The following AR variants were observed in gnomAD, a reference collection of about 807,000 sequenced individuals.
AR encodes the protein dihydrotestosterone receptor.
In AR, 8 loss-of-function variants were observed where a neutral mutation model predicts 53.9. The observed-to-expected ratio is 0.15, with a 90% CI of 0.09 to 0.27. The LOEUF (loss-of-function observed/expected upper bound fraction) is 0.27, where lower values mean the gene tolerates loss of function less well. AR is among the 10% of genes least tolerant of loss of function. The pLI is 1.00. For missense variants in AR, 639 were observed against 742.5 expected (o/e 0.86, Z 1.62); for synonymous variants, 359 against 316.4 (o/e 1.13, Z -1.43).
chrX:67,598,283 GTTTT>G, intron 1 of AR, among the ~76,000 whole-genome samples: 1 of 94,908 alleles, frequency 1.1e-5, no homozygotes, highest in African/African-American at 3.8e-5. Context: ...TTGTAGCAAT[GTTTT>G]TTTTTTTTTT....
intron 1 of AR, among the ~76,000 whole-genome samples, chrX:67,630,144 T>C (rs1398442518): frequency 1.8e-5 from 2 of 111,190 alleles, no homozygotes; most frequent in African/African-American, 6.5e-5. Context: ...TCTGTAGATG[T>C]CTATTAGGTC....
At chrX:67,559,935 C>T (rs1043636728) in intron 1 of AR, among the ~76,000 whole-genome samples, 2 of 111,897 alleles carry the variant, frequency 1.8e-5, no homozygotes, top group African/African-American at 6.5e-5. Context: ...TGCAATTGTT[C>T]ATCTGAAAAA....
At chrX:67,675,316 G>A (rs1217721010) in intron 2 of AR, among the ~76,000 whole-genome samples, 2 of 110,308 alleles carry the variant, frequency 1.8e-5, no homozygotes, top group Admixed American at 1.9e-4. Context: ...GTCTTACTAG[G>A]TCGCATGTTC....
In AR at chrX:67,724,063, C is replaced by A. The variant is rs1419488342; in HGVS notation, c.*222C>A. 2.3e-6 allele frequency: 1 copy of A among 439,512 alleles called. No homozygotes were observed. The highest frequency in any genetic ancestry group is 3.8e-6 in the Non-Finnish European group (1 of 261,521). 36.2% of individuals were successfully genotyped at this position (439,512 alleles called of 1,213,427 possible). On this transcript the variant is annotated 3_prime_UTR_variant, in exon 8 of 8. Transcript: ENST00000374690. ...CTCCCTATCTAACCCTCCCATGGCA[C>A]CTTCAGACTTTGCTTCCCATTGTGG...
At chrX:67,624,020 G>A (rs752007883) in intron 1 of AR, among the ~76,000 whole-genome samples, 12 of 110,885 alleles carry the variant, frequency 1.1e-4, no homozygotes, top group Non-Finnish European at 5.7e-5. Flanking sequence ...GGGCATGGAA[G>A]ACATGTCTTC....
intron 2 of AR, among the ~76,000 whole-genome samples, chrX:67,679,548 A>T (rs1057171728): frequency 1.8e-5 from 2 of 111,404 alleles, no homozygotes; most frequent in Admixed American, 1.9e-4. Flanking sequence ...CACATTTCCA[A>T]TTTTTTTCCA....
chrX:67,702,208 G>A (rs765550816), intron 3 of AR, among the ~76,000 whole-genome samples: 4 of 111,559 alleles, frequency 3.6e-5, no homozygotes, highest in South Asian at 3.8e-4. Flanking sequence ...GTGATGAAGC[G>A]AGGCACGCAG....
intron 1 of AR, among the ~76,000 whole-genome samples, chrX:67,641,781 G>A (rs1274821578): frequency 9.0e-6 from 1 of 110,571 alleles, no homozygotes; most frequent in African/African-American, 3.3e-5. Flanking sequence ...TAAAGTGCTT[G>A]TAAAGTGAGT....
At chrX:67,571,588 A>C (rs777894489) in intron 1 of AR, among the ~76,000 whole-genome samples, 1 of 111,917 alleles carries the variant, frequency 8.9e-6, no homozygotes, top group Admixed American at 9.5e-5. Flanking sequence ...ATATATCTAG[A>C]AGTTAACTGA....
In AR at chrX:67,546,208, C is replaced by A. The variant is rs759716252; in HGVS notation, c.1062C>A (p.Asp354Glu). Reference protein sequence around the residue: ...TLSLYKSGALDEAAAYQSRDY... With the variant: ...TLSLYKSGALEEAAAYQSRDY... Reference sequence around the variant, plus strand: ...CTCTCTACAAGTCCGGAGCACTGGACGAGGCAGCTGCGTACCAGAGTCGCG... The same window carrying A: ...CTCTCTACAAGTCCGGAGCACTGGAAGAGGCAGCTGCGTACCAGAGTCGCG... The change falls in exon 1 of 8, where the codon GAC becomes GAA. Residue 354 changes from aspartate (D) to glutamate (E), a missense_variant. This residue lies in a region of AR where 423 missense variants were observed against 377.0 expected (regional missense o/e 1.12). Transcript: ENST00000374690. 18 of 1,211,760 alleles carry A rather than the reference C, an allele frequency of 1.5e-5. No homozygotes were observed. In the East Asian group the frequency reaches 5.3e-4, roughly 36 times the overall value.
intron 1 of AR, among the ~76,000 whole-genome samples, chrX:67,577,925 G>A (rs757692113): frequency 9.9e-5 from 11 of 111,541 alleles, no homozygotes; most frequent in African/African-American, 3.6e-4. Context: ...AAGCATTTGC[G>A]TTGTTCTACT....
chrX:67,610,998 T>C (rs1258954819), intron 1 of AR, among the ~76,000 whole-genome samples: 1 of 111,702 alleles, frequency 9.0e-6, no homozygotes, highest in African/African-American at 3.3e-5. Flanking sequence ...CAGTAGGGCT[T>C]TTATGAGGAT....
At chrX:67,601,937 C>T (rs1923383315) in intron 1 of AR, among the ~76,000 whole-genome samples, 1 of 111,749 alleles carries the variant, frequency 8.9e-6, no homozygotes, top group South Asian at 3.7e-4. Context: ...CAGTGGTGAA[C>T]CTAATTAGGC....
intron 1 of AR, among the ~76,000 whole-genome samples, chrX:67,608,495 T>C (rs1468848621): frequency 8.9e-6 from 1 of 111,742 alleles, no homozygotes; most frequent in Non-Finnish European, 1.9e-5. Context: ...TCCTAGTTCC[T>C]CATCTCTTTG....
intron 1 of AR, among the ~76,000 whole-genome samples, chrX:67,616,166 A>G (rs1218586711): frequency 9.0e-6 from 1 of 111,487 alleles, no homozygotes; most frequent in Non-Finnish European, 1.9e-5. Context: ...AGTTAAAAAC[A>G]TAGTTTAGCT....
At chrX:67,577,849 TACA>T (rs1922126895) in intron 1 of AR, among the ~76,000 whole-genome samples, 3 of 111,730 alleles carry the variant, frequency 2.7e-5, no homozygotes, top group African/African-American at 9.7e-5. Flanking sequence ...TGTAAGATCT[TACA>T]ATATATTTTG....
In AR at chrX:67,550,331, G is replaced by T. The variant is rs370679549; in HGVS notation, c.1616+3569G>T. 3.0e-4 allele frequency among the ~76,000 whole-genome samples: 33 copies of T among 111,559 alleles called. 2 individuals carry two copies. In the South Asian group the frequency reaches 9.8e-3, roughly 33 times the overall value. ...AACTTTGAAATAATATACTGGATTT[G>T]CTGGTACGTTTAATTTTCTTTGTTA... On this transcript the variant is annotated intron_variant, in intron 1 of 7. Transcript: ENST00000374690.
rs2076092651 is a variant in AR at position 67,711,333 on chromosome X, A to G, written c.1886-69A>G. 3 of 1,123,133 alleles carry G rather than the reference A, an allele frequency of 2.7e-6. No homozygotes were observed. In the East Asian group the frequency reaches 9.8e-5, roughly 37 times the overall value. The allele number at this position is 1,123,133 out of a possible 1,213,427, so 92.6% of individuals were successfully genotyped here. Reference sequence around the variant, plus strand: ...TTTTCTTAGCTAGGGCAGTTTTTCTAAAAAGGTAGTTGCATTGTGTGTTTT... The same window carrying G: ...TTTTCTTAGCTAGGGCAGTTTTTCTGAAAAGGTAGTTGCATTGTGTGTTTT... On this transcript the variant is annotated intron_variant, in intron 3 of 7. Coordinates refer to ENST00000374690, the MANE Select transcript of AR (RefSeq NM_000044.6).
intron 2 of AR, among the ~76,000 whole-genome samples, chrX:67,664,461 G>T (rs1303114030): frequency 8.9e-6 from 1 of 111,850 alleles, no homozygotes; most frequent in Non-Finnish European, 1.9e-5. Context: ...GTTGCTGGTT[G>T]ATCATTCCTC....
Sources: gnomAD v4.1 joint callset for allele counts (sites outside exome capture counted in the v4.1 genomes callset) on GRCh38, gnomAD v4.1.1 for gene constraint, gnomAD v4.1.1 regional missense constraint, MANE v1.5 for transcripts, NCBI Gene and HGNC (gene_info 2026-07-23, HGNC 2026-07-21) for gene names.